TENT5D: variants seen among roughly 807,000 people sequenced by gnomAD.
TENT5D encodes the protein cancer/testis antigen 112.
For missense variants in TENT5D, 191 were observed against 287.0 expected (o/e 0.67, Z 2.42); for synonymous variants, 103 against 100.6 (o/e 1.02, Z -0.15).
upstream of TENT5D, among the ~76,000 whole-genome samples, chrX:80,419,667 G>A (rs1342097880): frequency 8.9e-6 from 1 of 112,267 alleles, no homozygotes; most frequent in Non-Finnish European, 1.9e-5. Flanking sequence ...TTAAAAATTA[G>A]TTGTTGGCAC....
At chrX:80,339,872 T>TATAGAG (rs1556039069) in intron 2 of TENT5D, among the ~76,000 whole-genome samples, 21 of 103,920 alleles carry the variant, frequency 2.0e-4, no homozygotes, top group African/African-American at 4.9e-4. Context: ...TATATATATA[T>TATAGAG]AGAGAGAGAG....
chrX:80,352,445 C>T lies in TENT5D; in HGVS notation c.-142+9881C>T, dbSNP rs187643449. On this transcript the variant is annotated intron_variant, in intron 3 of 4. Coordinates refer to the TENT5D transcript ENST00000538312. ...GTTCTGCCCAGTGCGAACTTGCAGG[C>T]CTTTTTAGCGCTGTCGGGGGAAAAC... is the stretch of plus-strand genomic sequence containing the variant. Among the ~76,000 whole-genome samples the T allele has an allele frequency of 3.4e-3, 382 of 111,153 alleles. 1 individual carries two copies. In the South Asian group the frequency reaches 0.041, roughly 12 times the overall value.
chrX:80,418,388 C>A (rs1048112032), upstream of TENT5D, among the ~76,000 whole-genome samples: 10 of 111,283 alleles, frequency 9.0e-5, no homozygotes, highest in African/African-American at 2.6e-4. Context: ...CTGGCCTCAA[C>A]AGATCCTCTT....
At chrX:80,416,924 G>A (rs1931788966), upstream of TENT5D, among the ~76,000 whole-genome samples, 1 of 111,235 alleles carries the variant, frequency 9.0e-6, no homozygotes, top group African/African-American at 3.3e-5. Flanking sequence ...CTATTATTGT[G>A]TGGTTATCTA....
In TENT5D at chrX:80,405,431, G is replaced by A. The variant is rs757774104; in HGVS notation, c.-141-33179G>A. Among the ~76,000 whole-genome samples, 17 of 112,882 alleles carry A rather than the reference G, an allele frequency of 1.5e-4. No individual in the cohort carries two copies. In the South Asian group the frequency reaches 4.7e-3, roughly 31 times the overall value. On this transcript the variant is annotated intron_variant, in intron 3 of 4. Transcript: ENST00000538312. ...GCGAGCCGAAGCAGGGCGAGGCATT[G>A]CCTCACCTGGGAAGCGCAAGGGGTC...
chrX:80,383,579 G>A (rs1297604253), intron 3 of TENT5D, among the ~76,000 whole-genome samples: 1 of 112,132 alleles, frequency 8.9e-6, no homozygotes, highest in East Asian at 2.8e-4. Flanking sequence ...AACTTGGGCC[G>A]GGCGCATTGG....
At chrX:80,357,653 G>A (rs1350064005) in intron 3 of TENT5D, among the ~76,000 whole-genome samples, 1 of 111,136 alleles carries the variant, frequency 9.0e-6, no homozygotes, top group Non-Finnish European at 1.9e-5. Context: ...GTAGATCCTG[G>A]ATATTAGCCC....
chrX:80,423,448 C>T (rs1381767730), intron 1 of TENT5D, among the ~76,000 whole-genome samples: 3 of 111,210 alleles, frequency 2.7e-5, no homozygotes, highest in Non-Finnish European at 3.8e-5. Flanking sequence ...ACCATGAGGC[C>T]GGGGTTCAGG....
intron 3 of TENT5D, among the ~76,000 whole-genome samples, chrX:80,363,012 T>C (rs2147522608): frequency 8.9e-6 from 1 of 112,262 alleles, no homozygotes; most frequent in South Asian, 3.6e-4. Context: ...AAAAATCTAC[T>C]AATGCAGTAA....
chrX:80,389,841 G>A (rs1347359911), intron 3 of TENT5D, among the ~76,000 whole-genome samples: 1 of 112,030 alleles, frequency 8.9e-6, no homozygotes. Context: ...TTTGTAAAGG[G>A]AAAAGAGAAA....
chrX:80,433,659 C>T lies in TENT5D; in HGVS notation c.-141-4951C>T, dbSNP rs1236821875. Reference sequence around the variant, plus strand: ...TATTTTCTCTTCGTGTTTATAGGTGCCTAGCATGTTTATCTTAATTGTTCC... The same window carrying T: ...TATTTTCTCTTCGTGTTTATAGGTGTCTAGCATGTTTATCTTAATTGTTCC... On this transcript the variant is annotated intron_variant, in intron 1 of 2. Coordinates refer to ENST00000308293, the Ensembl canonical transcript of TENT5D. Among the ~76,000 whole-genome samples, 4 of 111,657 alleles carry T rather than the reference C, an allele frequency of 3.6e-5. No individual in the cohort carries two copies. In the South Asian group the frequency reaches 1.5e-3, roughly 41 times the overall value.
intron 3 of TENT5D, among the ~76,000 whole-genome samples, chrX:80,397,778 A>G (rs1288162858): frequency 8.9e-6 from 1 of 112,355 alleles, no homozygotes; most frequent in Non-Finnish European, 1.9e-5. Context: ...AAAATACGAA[A>G]ACAAGTCAGG....
chrX:80,349,740 G>A (rs1386803813), intron 3 of TENT5D, among the ~76,000 whole-genome samples: 19 of 110,970 alleles, frequency 1.7e-4, no homozygotes, highest in African/African-American at 6.2e-4. Flanking sequence ...TAATTGTGAT[G>A]TTAGGGTGTC....
At chrX:80,428,078 C>A (rs1399868796) in intron 1 of TENT5D, among the ~76,000 whole-genome samples, 2 of 112,650 alleles carry the variant, frequency 1.8e-5, no homozygotes, top group Non-Finnish European at 3.7e-5. Flanking sequence ...ATTAAAACTA[C>A]AGAGAGTATA....
chrX:80,430,798 A>G (rs967194824), intron 1 of TENT5D, among the ~76,000 whole-genome samples: 26 of 111,306 alleles, frequency 2.3e-4, no homozygotes, highest in African/African-American at 8.5e-4. Flanking sequence ...TACAGACTGC[A>G]GATGGTTTGT....
At chrX:80,404,843 C>G (rs1207799658) in intron 3 of TENT5D, among the ~76,000 whole-genome samples, 1 of 111,641 alleles carries the variant, frequency 9.0e-6, no homozygotes, top group Non-Finnish European at 1.9e-5. Context: ...GATGTAATAA[C>G]CTTAATTTAA....
Position 80,412,173 on chromosome X carries a change from G to A in TENT5D, c.-141-26437G>A, listed in dbSNP as rs1264003216. ...CCCACCCTCTGGAGTCACAGCTCGA[G>A]CTGTACGTTGGCCCCTTTCAGCCAT... On this transcript the variant is annotated intron_variant, in intron 3 of 4. Coordinates refer to the TENT5D transcript ENST00000538312. 2.7e-5 allele frequency among the ~76,000 whole-genome samples: 3 copies of A among 112,947 alleles called. No homozygotes were observed. The East Asian group carries it at 8.4e-4, about 32-fold the overall frequency.
chrX:80,434,679 A>G (rs892917034), intron 1 of TENT5D, among the ~76,000 whole-genome samples: 3 of 111,259 alleles, frequency 2.7e-5, no homozygotes, highest in African/African-American at 9.8e-5. Flanking sequence ...TTTTAGCATT[A>G]TCTATAGTAA....
chrX:80,365,557 T>C (rs1930490393), intron 3 of TENT5D, among the ~76,000 whole-genome samples: 1 of 111,522 alleles, frequency 9.0e-6, no homozygotes, highest in South Asian at 3.8e-4. Context: ...AGAGTAGTTT[T>C]AGGCCAAGCT....
Sources: gnomAD v4.1 joint callset for allele counts (sites outside exome capture counted in the v4.1 genomes callset) on GRCh38, gnomAD v4.1.1 for gene constraint, MANE v1.5 for transcripts, NCBI Gene and HGNC (gene_info 2026-07-23, HGNC 2026-07-21) for gene names.